The following RC3H1 variants were observed in gnomAD, a reference collection of about 807,000 sequenced individuals.
The protein encoded by RC3H1 is roquin-1.
A neutral mutation model predicts 138.2 loss-of-function variants in RC3H1; 50 were observed. The ratio of observed to expected loss-of-function variants is 0.36; its 90% CI spans 0.29 to 0.46. RC3H1 has a LOEUF of 0.46. Among genes scored for constraint, RC3H1 ranks in the 20% least tolerant of loss-of-function variants. The probability of loss-of-function intolerance (pLI) is 1.00; values close to 1 mark genes in which losing one functional copy is unlikely to be tolerated. For missense variants in RC3H1, 1,031 were observed against 1,388.1 expected, an observed-to-expected ratio of 0.74 and a Z score of 4.09; for synonymous variants, 462 against 489.1, an observed-to-expected ratio of 0.94 and a Z score of 0.73.
intron 7 of RC3H1, among the ~76,000 whole-genome samples, chr1:173,974,413 T>A (rs2102981551): frequency 6.6e-6 from 1 of 152,100 alleles, no homozygotes; most frequent in Middle Eastern, 3.4e-3. Flanking sequence ...ATATAAATTA[T>A]CTTCTAATAT....
intron 1 of RC3H1, among the ~76,000 whole-genome samples, chr1:173,998,295 T>C (rs1661501849): frequency 6.6e-6 from 1 of 152,182 alleles, no homozygotes; most frequent in Non-Finnish European, 1.5e-5. Flanking sequence ...AGACAAATGA[T>C]GAGCCCTCTT....
Position 173,932,249 on chromosome 1 carries a change from TAAAAC to T in RC3H1, c.*6467_*6471del, listed in dbSNP as rs1277029153. ...AGTTATTTTTTTAAAAAAAACAAAA[TAAAAC>T]AAAATAAAATCCACCCAAAAAGGTG... On this transcript the variant is annotated 3_prime_UTR_variant, in exon 20 of 20. Transcript: ENST00000367696. 6.7e-6 allele frequency: 1 copy of T among 149,862 alleles called. No individual in the cohort carries two copies. The highest frequency in any genetic ancestry group is 2.5e-5 in the African/African-American group (1 of 40,704). 9.3% of individuals were successfully genotyped at this position (149,862 alleles called of 1,614,324 possible). A position where few individuals can be genotyped will look rare whatever the true frequency, so the allele number is the denominator to read the frequency against.
chr1:173,938,768 T>C lies in RC3H1; in HGVS notation c.3355A>G (p.Asn1119Asp). 1 of 1,613,548 alleles carries C rather than the reference T, an allele frequency of 6.2e-7. No individual in the cohort carries two copies. Among genetic ancestry groups the C allele is most frequent in the Non-Finnish European group, 8.5e-7 (1 of 1,179,576 alleles). ...LSEDPEGGGD[N>D]NDSQRSGVTP... Reference sequence around the variant, plus strand: ...ACTCCTGATCTCTGGGAGTCATTATTATCCCCTCCTCCCTCAGGGTCCTCT... The same window carrying C: ...ACTCCTGATCTCTGGGAGTCATTATCATCCCCTCCTCCCTCAGGGTCCTCT... Residue 1119 changes from asparagine to aspartate, a missense_variant, in exon 20 of 20, where the codon AAT becomes GAT. Around this residue, in one of 7 missense-constraint regions of RC3H1, gnomAD observed 716 missense variants for 837.9 expected, o/e 0.85. Coordinates refer to ENST00000367696, the MANE Select transcript of RC3H1 (RefSeq NM_172071.4).
chr1:174,006,163 C>T (rs1410473781), intron 1 of RC3H1, among the ~76,000 whole-genome samples: 2 of 152,046 alleles, frequency 1.3e-5, no homozygotes, highest in Non-Finnish European at 2.9e-5. Flanking sequence ...CCTTAGATCA[C>T]GCCACTGCAC....
intron 17 of RC3H1, among the ~76,000 whole-genome samples, chr1:173,945,573 C>T (rs569149203): frequency 6.6e-6 from 1 of 152,322 alleles, no homozygotes; most frequent in East Asian, 1.9e-4. Context: ...ACAATACCAC[C>T]TGCCTAAAAT....
intron 13 of RC3H1, among the ~76,000 whole-genome samples, chr1:173,956,130 C>CAAAAAA (rs552947734): frequency 2.3e-5 from 2 of 86,368 alleles, no homozygotes; most frequent in East Asian, 3.4e-4. Flanking sequence ...GAGTCTGTCT[C>CAAAAAA]AAAAAAAAAA....
rs1204367386 is a variant in RC3H1, at chr1:173,982,722, C to A, written c.768+5G>T. On this transcript the variant is annotated splice_donor_5th_base_variant and intron_variant, in intron 5 of 19. Coordinates refer to ENST00000367696, the MANE Select transcript of RC3H1 (RefSeq NM_172071.4). Reference sequence around the variant, plus strand: ...TTCAAGCTGAGCTTTAATGTAGGTTCATACCTTGAAACAGGAGGCTCTATA... The same window carrying A: ...TTCAAGCTGAGCTTTAATGTAGGTTAATACCTTGAAACAGGAGGCTCTATA... 2 of 1,599,018 alleles carry A rather than the reference C, an allele frequency of 1.3e-6. No individual in the cohort carries two copies. Among genetic ancestry groups the A allele is most frequent in the Admixed American group, 1.7e-5 (1 of 57,358 alleles).
Position 173,965,115 on chromosome 1 carries a change from C to T in RC3H1, c.1340G>A (p.Arg447His), listed in dbSNP as rs748046231. Residue 447 changes from arginine (R) to histidine (H), a missense_variant, in exon 10 of 20, where the codon CGT becomes CAT. This residue lies in a region of RC3H1 where 142 missense variants were observed against 224.6 expected (regional missense o/e 0.63). Transcript: ENST00000367696. Reference protein sequence around the residue: ...AHSQEELEKFRKMNKRLVPRR... With the variant: ...AHSQEELEKFHKMNKRLVPRR... ...CGGAACCAGGCGCTTATTCATTTTA[C>T]GAAATCTATATAAAAAGCATAGGCA... 15 of 1,606,718 alleles carry T rather than the reference C, an allele frequency of 9.3e-6. No individual in the cohort carries two copies. Among genetic ancestry groups the T allele is most frequent in the African/African-American group, 1.3e-5 (1 of 74,398 alleles).
chr1:173,971,116 C>T lies in RC3H1; in HGVS notation c.1222-499G>A, dbSNP rs183939395. On this transcript the variant is annotated intron_variant, in intron 8 of 19. Coordinates refer to ENST00000367696, the MANE Select transcript of RC3H1 (RefSeq NM_172071.4). Reference sequence around the variant, plus strand: ...AGCTGGGATTACAGGTGTCCACCACCGCACCTGGCTAATTTTTGTATTTTT... The same window carrying T: ...AGCTGGGATTACAGGTGTCCACCACTGCACCTGGCTAATTTTTGTATTTTT... Among the ~76,000 whole-genome samples, 490 of 152,016 alleles carry T rather than the reference C, an allele frequency of 3.2e-3. 2 individuals are homozygous for T. Among genetic ancestry groups the T allele is most frequent in the African/African-American group, 0.011 (451 of 41,454 alleles).
intron 15 of RC3H1, 121 bp from the exon 16 acceptor site, chr1:173,946,957 C>A: frequency 3.0e-6 from 2 of 677,428 alleles, no homozygotes; most frequent in East Asian, 2.7e-5. Context: ...CCCTAAATGT[C>A]CAGATTTTTA....
rs376886679 is a variant in RC3H1 at position 173,938,740 on chromosome 1, G to A, written c.3383C>T (p.Thr1128Ile). 66 of 1,610,474 alleles carry A rather than the reference G, an allele frequency of 4.1e-5. No individual in the cohort carries two copies. Among genetic ancestry groups the A allele is most frequent in the Non-Finnish European group, 5.3e-5 (62 of 1,178,144 alleles). The change falls in exon 20 of 20, where the codon ACT becomes ATT. Residue 1128 changes from threonine to isoleucine, a missense_variant. By Grantham distance (89) the Thr-to-Ile change is moderately conservative. Around this residue, in one of 7 missense-constraint regions of RC3H1, gnomAD observed 716 missense variants for 837.9 expected, o/e 0.85. Transcript: ENST00000367696. ...CATATTTTAAGGAGCAGAACTGGGA[G>A]TAACTCCTGATCTCTGGGAGTCATT... is the stretch of plus-strand genomic sequence containing the variant. ...DNNDSQRSGV[T>I]PSSAP
chr1:173,975,937 C>CAGTAAATTTGT (rs1660561528), intron 7 of RC3H1, among the ~76,000 whole-genome samples: 1 of 95,242 alleles, frequency 1.0e-5, no homozygotes, highest in Admixed American at 1.3e-4. Flanking sequence ...AAAAAAAATA[C>CAGTAAATTTGT]AGTAAATTTG....
intron 9 of RC3H1, chr1:173,969,258 G>C (rs1231505734): frequency 6.6e-6 from 1 of 150,614 alleles, no homozygotes; most frequent in African/African-American, 2.4e-5. Flanking sequence ...CTTTTGCAGA[G>C]TCATGGCATC....
intron 14 of RC3H1, among the ~76,000 whole-genome samples, chr1:173,949,357 C>T (rs1659283643): frequency 6.6e-6 from 1 of 151,736 alleles, no homozygotes; most frequent in Non-Finnish European, 1.5e-5. Flanking sequence ...GCATACCTTT[C>T]AGCAATACCA....
Position 173,936,271 on chromosome 1 carries a change from G to A in RC3H1, c.*2450C>T, listed in dbSNP as rs1218999595. 1 of 152,074 alleles carries A rather than the reference G, an allele frequency of 6.6e-6. No individual in the cohort carries two copies. Among genetic ancestry groups the A allele is most frequent in the African/African-American group, 2.4e-5 (1 of 41,414 alleles). 9.4% of individuals were successfully genotyped at this position (152,074 alleles called of 1,614,324 possible). A position where few individuals can be genotyped will look rare whatever the true frequency, so the allele number is the denominator to read the frequency against. On this transcript the variant is annotated 3_prime_UTR_variant, in exon 20 of 20. Coordinates refer to ENST00000367696, the MANE Select transcript of RC3H1 (RefSeq NM_172071.4). ...TACAAGAATCATTCTGAATTCCAAAGTGAATCAACTGCTTCTAAAATTTAG... is the reference window on the plus strand; with the variant it reads ...TACAAGAATCATTCTGAATTCCAAAATGAATCAACTGCTTCTAAAATTTAG...
chr1:173,968,856 ATTTTTTTTT>A (rs370550482), intron 9 of RC3H1, among the ~76,000 whole-genome samples: 1 of 128,114 alleles, frequency 7.8e-6, no homozygotes, highest in Non-Finnish European at 1.6e-5. Context: ...AGGAATTTTG[ATTTTTTTTT>A]TTTTTTTTTT....
At chr1:173,971,096 G>A (rs1276250418) in intron 8 of RC3H1, among the ~76,000 whole-genome samples, 1 of 151,606 alleles carries the variant, frequency 6.6e-6, no homozygotes, top group Non-Finnish European at 1.5e-5. Context: ...TGAGTAGCTG[G>A]GATTACAGGT....
At chr1:173,954,061 A>G (rs1659532960) in intron 13 of RC3H1, among the ~76,000 whole-genome samples, 1 of 152,050 alleles carries the variant, frequency 6.6e-6, no homozygotes, top group Non-Finnish European at 1.5e-5. Flanking sequence ...TAATAATAAT[A>G]CAGAGATCCA....
intron 1 of RC3H1, among the ~76,000 whole-genome samples, chr1:174,011,687 T>C: frequency 6.6e-6 from 1 of 152,138 alleles, no homozygotes; most frequent in East Asian, 1.9e-4. Context: ...AAGAGACTGA[T>C]ATGAGGACCT....
Sources: allele counts gnomAD v4.1 joint callset (sites outside exome capture counted in the v4.1 genomes callset), GRCh38; gene constraint gnomAD v4.1.1; regional missense constraint gnomAD v4.1.1; transcripts MANE v1.5; gene names NCBI Gene and HGNC (gene_info 2026-07-23, HGNC 2026-07-21).